Variants in CCSER1 observed in about 807,000 individuals in gnomAD.
CCSER1 encodes coiled-coil serine rich protein 1, also known as serine-rich coiled-coil domain-containing protein 1.
In CCSER1, 41 loss-of-function variants were observed where a neutral mutation model predicts 82.0. The ratio of observed to expected loss-of-function variants is 0.50; its 90% CI spans 0.39 to 0.65. The LOEUF (loss-of-function observed/expected upper bound fraction) is 0.65, where lower values mean the gene tolerates loss of function less well. CCSER1 is among the 30% of genes least tolerant of loss of function. The pLI is 0.00. For missense variants in CCSER1, 1,119 were observed against 1,064.2 expected (o/e 1.05, Z -0.72); for synonymous variants, 414 against 383.9 (o/e 1.08, Z -0.92).
In CCSER1 at chr4:90,727,203, G is replaced by A. The variant is rs762201603; in HGVS notation, c.2010+3212G>A. 1.1e-4 allele frequency: 48 copies of A among 454,074 alleles called. No homozygotes were observed. The East Asian group carries it at 3.2e-3, about 30-fold the overall frequency. The allele number at this position is 454,074 out of a possible 1,614,324, so 28.1% of individuals were successfully genotyped here. On this transcript the variant is annotated intron_variant, in intron 7 of 10. Transcript: ENST00000509176. ...CTCTAGTTTTTGTTGTTTTTTAATA[G>A]AATATTCAGCATTATATCAACTGTA...
intron 8 of CCSER1, among the ~76,000 whole-genome samples, chr4:90,848,177 C>T (rs1763434994): frequency 6.6e-6 from 1 of 152,076 alleles, no homozygotes; most frequent in Admixed American, 6.6e-5. Context: ...ATTTATTGTT[C>T]AGAAGATGAG....
intron 8 of CCSER1, among the ~76,000 whole-genome samples, chr4:90,905,766 C>T (rs1252219994): frequency 1.3e-5 from 2 of 152,100 alleles, no homozygotes; most frequent in South Asian, 2.1e-4. Context: ...CTCCTTTGCT[C>T]GGGGCCTGCG....
rs1263578179 is a variant in CCSER1, at chr4:90,923,367, C to T, written c.2095-3C>T. On this transcript the variant is annotated splice_region_variant and splice_polypyrimidine_tract_variant and intron_variant, in intron 8 of 10. Transcript: ENST00000509176. ...GTGTTGTTGCTGTTTTTTCATTTTG[C>T]AGGGAAAAGTCCGGCATTTACAGAA... is the stretch of plus-strand genomic sequence containing the variant. 6.5e-7 allele frequency: 1 copy of T among 1,549,898 alleles called. No homozygotes were observed.
intron 1 of CCSER1, among the ~76,000 whole-genome samples, chr4:90,249,938 A>G (rs906417657): frequency 1.3e-5 from 2 of 152,108 alleles, no homozygotes; most frequent in African/African-American, 2.4e-5. Context: ...TAACCATCCT[A>G]GTGGGCATAA....
chr4:91,156,729 T>C (rs954104009), intron 10 of CCSER1, among the ~76,000 whole-genome samples: 6 of 151,790 alleles, frequency 4.0e-5, no homozygotes, highest in African/African-American at 1.4e-4. Context: ...CATTTGCATG[T>C]TTTCTGTCTT....
At chr4:90,292,581 C>T (rs1731121672) in intron 1 of CCSER1, among the ~76,000 whole-genome samples, 1 of 151,884 alleles carries the variant, frequency 6.6e-6, no homozygotes, top group South Asian at 2.1e-4. Context: ...AGAATTAGTA[C>T]ACAATGCCAA....
At chr4:90,904,656 G>C (rs1375529707) in intron 8 of CCSER1, among the ~76,000 whole-genome samples, 2 of 152,066 alleles carry the variant, frequency 1.3e-5, no homozygotes, top group East Asian at 3.9e-4. Flanking sequence ...TGTGTGACGG[G>C]AGCAATAAGG....
At chr4:90,362,869 G>A (rs1745607322) in intron 3 of CCSER1, among the ~76,000 whole-genome samples, 2 of 152,230 alleles carry the variant, frequency 1.3e-5, no homozygotes, top group Middle Eastern at 3.4e-3. Context: ...TTTCATACAA[G>A]GGATGCCTTT....
chr4:91,566,313 G>A (rs188255588), intron 10 of CCSER1, among the ~76,000 whole-genome samples: 1 of 152,086 alleles, frequency 6.6e-6, no homozygotes, highest in East Asian at 1.9e-4. Flanking sequence ...TAAGGATTTT[G>A]CATTGATGTT....
At chr4:90,178,939 G>C (rs1733205251) in intron 1 of CCSER1, among the ~76,000 whole-genome samples, 1 of 152,070 alleles carries the variant, frequency 6.6e-6, no homozygotes, top group Non-Finnish European at 1.5e-5. Context: ...GAATGTCCAA[G>C]GTGATTTTTT....
chr4:91,601,877 G>T lies in CCSER1; in HGVS notation c.*2820G>T, dbSNP rs1764831576. The stretch of plus-strand genomic sequence containing the variant: ...AAGCTGTTTCCACCTGAAATAAACT[G>T]TTCCCATTTTTATAATTATTGGAAC... On this transcript the variant is annotated 3_prime_UTR_variant, in exon 11 of 11. Coordinates refer to ENST00000509176, the MANE Select transcript of CCSER1 (RefSeq NM_001145065.2). 1 of 152,022 alleles carries T rather than the reference G, an allele frequency of 6.6e-6. No homozygotes were observed. The highest frequency in any genetic ancestry group is 1.5e-5 in the Non-Finnish European group (1 of 67,950). 9.4% of individuals were successfully genotyped at this position (152,022 alleles called of 1,614,324 possible).
In CCSER1 at chr4:90,930,147, A is replaced by G. The variant is rs569364198; in HGVS notation, c.2172+6700A>G. Among the ~76,000 whole-genome samples the G allele has an allele frequency of 2.6e-4, 39 of 152,308 alleles. No homozygotes were observed. In the South Asian group the frequency reaches 7.9e-3, roughly 31 times the overall value. On this transcript the variant is annotated intron_variant, in intron 9 of 10. Transcript: ENST00000509176. ...TTGATAAAAGAGAAGAAAAATACAT[A>G]TTTGTTGAATGGAAAATTTCTCTCT...
At chr4:91,443,725 CTATA>C (rs1335276362) in intron 10 of CCSER1, among the ~76,000 whole-genome samples, 2 of 147,220 alleles carry the variant, frequency 1.4e-5, no homozygotes, top group South Asian at 2.1e-4. Context: ...ATAGAGAAAA[CTATA>C]TGTATATATA....
intron 10 of CCSER1, among the ~76,000 whole-genome samples, chr4:91,438,457 G>A (rs947515203): frequency 6.6e-6 from 1 of 151,936 alleles, no homozygotes; most frequent in African/African-American, 2.4e-5. Context: ...AAACAGAAAG[G>A]ACATCCACAC....
At position 90,945,495 on chromosome 4, in the gene CCSER1, T is replaced by C. The variant is rs1037992180; in HGVS notation, c.2172+22048T>C. 3.9e-5 allele frequency among the ~76,000 whole-genome samples: 6 copies of C among 152,212 alleles called. 1 individual carries two copies. The highest frequency in any genetic ancestry group is 1.3e-4 in the Admixed American group (2 of 15,280). ...GAGTTATAAAATCTGTGTTGTTTTA[T>C]AGTCCATTTTCTTTTACTTGGTGTG... On this transcript the variant is annotated intron_variant, in intron 9 of 10. Transcript: ENST00000509176.
intron 1 of CCSER1, among the ~76,000 whole-genome samples, chr4:90,194,028 T>A (rs999072139): frequency 3.3e-5 from 5 of 152,080 alleles, no homozygotes; most frequent in Admixed American, 2.6e-4. Flanking sequence ...TTTTGAAATA[T>A]GTTGATGTAT....
chr4:90,528,095 A>G (rs1283805133), intron 5 of CCSER1, among the ~76,000 whole-genome samples: 1 of 152,162 alleles, frequency 6.6e-6, no homozygotes, highest in Non-Finnish European at 1.5e-5. Flanking sequence ...TGATTTATGC[A>G]TTTATCCTAG....
intron 9 of CCSER1, among the ~76,000 whole-genome samples, chr4:90,944,081 A>C (rs1422086433): frequency 1.3e-5 from 2 of 151,670 alleles, no homozygotes; most frequent in Non-Finnish European, 2.9e-5. Context: ...TAAAATACAA[A>C]ACATGAGCTG....
chr4:90,648,923 A>G (rs997759877), intron 6 of CCSER1, among the ~76,000 whole-genome samples: 2 of 152,326 alleles, frequency 1.3e-5, no homozygotes, highest in East Asian at 1.9e-4. Context: ...AAGACAACCA[A>G]GAGAGTAACA....
Sources: allele counts gnomAD v4.1 joint callset (sites outside exome capture counted in the v4.1 genomes callset), GRCh38; gene constraint gnomAD v4.1.1; transcripts MANE v1.5; gene names NCBI Gene and HGNC (gene_info 2026-07-23, HGNC 2026-07-21).